PRKN: variants seen among roughly 807,000 people sequenced by gnomAD.
PRKN encodes the protein parkin RBR E3 ubiquitin protein ligase.
A neutral mutation model predicts 59.5 loss-of-function variants in PRKN; 56 were observed. That is an observed-to-expected ratio of 0.94 (90% CI 0.76 to 1.18). The LOEUF is 1.18. Among genes scored for constraint, PRKN ranks in the 50% most tolerant of loss-of-function variants. The pLI, the probability that PRKN is intolerant of heterozygous loss-of-function variation, is 0.00. For missense variants in PRKN, 657 were observed against 596.4 expected, an observed-to-expected ratio of 1.10 and a Z score of -1.06; for synonymous variants, 250 against 222.1, an observed-to-expected ratio of 1.13 and a Z score of -1.12.
intron 1 of PRKN, among the ~76,000 whole-genome samples, chr6:162,576,876 C>T (rs966080057): frequency 1.4e-4 from 21 of 149,342 alleles, no homozygotes; most frequent in African/African-American, 4.7e-4. Flanking sequence ...GAATTGAGAG[C>T]GAGGATTTGA....
At chr6:162,290,650 GATCT>G (rs1781391355) in intron 2 of PRKN, among the ~76,000 whole-genome samples, 1 of 152,084 alleles carries the variant, frequency 6.6e-6, no homozygotes, top group Admixed American at 6.6e-5. Context: ...AGCTAAAACA[GATCT>G]ATTTTTCAAA....
intron 4 of PRKN, among the ~76,000 whole-genome samples, chr6:162,192,048 G>C (rs555032624): frequency 1.4e-4 from 22 of 152,204 alleles, no homozygotes; most frequent in Non-Finnish European, 2.8e-4. Flanking sequence ...TATGAAAAAC[G>C]TTCTTTAGAG....
In PRKN at chr6:161,740,196, C is replaced by T. The variant is rs556374763; in HGVS notation, c.871+45576G>A. ...TTTTCAAAGGAAAAGATATACTTTCCTTTAAGTGCTTTTGAAATATTAAAA... is the reference window on the plus strand; with the variant it reads ...TTTTCAAAGGAAAAGATATACTTTCTTTTAAGTGCTTTTGAAATATTAAAA... On this transcript the variant is annotated intron_variant, in intron 7 of 11. Transcript: ENST00000366898. Among the ~76,000 whole-genome samples, 5 of 152,220 alleles carry T rather than the reference C, an allele frequency of 3.3e-5. 1 individual carries two copies. The South Asian group carries it at 8.3e-4, about 25-fold the overall frequency.
chr6:161,450,894 T>C (rs1307512838), intron 9 of PRKN, among the ~76,000 whole-genome samples: 1 of 152,146 alleles, frequency 6.6e-6, no homozygotes, highest in East Asian at 1.9e-4. Context: ...AAAATAAATA[T>C]CATACCATTA....
intron 1 of PRKN, among the ~76,000 whole-genome samples, chr6:162,690,615 A>G (rs1777738648): frequency 6.6e-6 from 1 of 152,240 alleles, no homozygotes; most frequent in East Asian, 1.9e-4. Context: ...CAATGAGTAC[A>G]GTTCCTGATA....
At chr6:162,283,561 G>A (rs191978535) in intron 2 of PRKN, among the ~76,000 whole-genome samples, 29 of 152,236 alleles carry the variant, frequency 1.9e-4, no homozygotes, top group African/African-American at 6.5e-4. Context: ...TTGCTCTGTC[G>A]CCCAGGCTGG....
chr6:161,476,616 G>T (rs1242115278), intron 9 of PRKN, among the ~76,000 whole-genome samples: 1 of 152,174 alleles, frequency 6.6e-6, no homozygotes, highest in Non-Finnish European at 1.5e-5. Flanking sequence ...CATTAAAAAT[G>T]GCTCCCAGGA....
At chr6:162,050,459 T>A (rs767124567) in intron 5 of PRKN, among the ~76,000 whole-genome samples, 2 of 104,698 alleles carry the variant, frequency 1.9e-5, no homozygotes, top group African/African-American at 8.1e-5. Context: ...CATTTTCCTA[T>A]ATTTCACCCC....
At chr6:162,256,773 A>T (rs1779654648) in intron 3 of PRKN, among the ~76,000 whole-genome samples, 1 of 152,190 alleles carries the variant, frequency 6.6e-6, no homozygotes, top group Admixed American at 6.5e-5. Flanking sequence ...CACACTGTCC[A>T]GCCAGGCCTC....
intron 1 of PRKN, among the ~76,000 whole-genome samples, chr6:162,603,802 G>A (rs1386778018): frequency 6.6e-6 from 1 of 152,126 alleles, no homozygotes; most frequent in Admixed American, 6.6e-5. Flanking sequence ...CCACAGATGG[G>A]AAGGGCTGTC....
chr6:162,640,158 T>C (rs1777906109), intron 1 of PRKN, among the ~76,000 whole-genome samples: 1 of 152,126 alleles, frequency 6.6e-6, no homozygotes, highest in Non-Finnish European at 1.5e-5. Context: ...GCCAGGGTTC[T>C]TGGGAGACTC....
chr6:162,619,710 TCACACACACACA>T (rs56144864), intron 1 of PRKN, among the ~76,000 whole-genome samples: 1 of 150,386 alleles, frequency 6.6e-6, no homozygotes, highest in Non-Finnish European at 1.5e-5. Flanking sequence ...CTTTTTCCAC[TCACACACACACA>T]CACACACACA....
At position 161,588,760 on chromosome 6, in the gene PRKN, A is replaced by C. The variant is rs906757585; in HGVS notation, c.872-19344T>G. Among the ~76,000 whole-genome samples, 1 of 152,220 alleles carries C rather than the reference A, an allele frequency of 6.6e-6. No homozygotes were observed. The highest frequency in any genetic ancestry group is 6.5e-5 in the Admixed American group (1 of 15,286). The stretch of plus-strand genomic sequence containing the variant: ...GAGGACACCATCATCTCTAGAAAAT[A>C]AACCCAAAGTGGCTCTTGAGAGAAG... On this transcript the variant is annotated intron_variant, in intron 7 of 11. Transcript: ENST00000366898. This position sits in a 1 kb window ranked among gnomAD's most constrained non-coding sequence, Gnocchi z 5.0.
At chr6:162,638,112 C>A (rs1777804297) in intron 1 of PRKN, among the ~76,000 whole-genome samples, 1 of 150,968 alleles carries the variant, frequency 6.6e-6, no homozygotes, top group Non-Finnish European at 1.5e-5. Context: ...TTTCAGCATG[C>A]AATTTGTTCT....
intron 7 of PRKN, among the ~76,000 whole-genome samples, chr6:161,627,363 C>T (rs1167293215): frequency 6.6e-6 from 1 of 152,124 alleles, no homozygotes; most frequent in Admixed American, 6.5e-5. Context: ...CCTACTTTAC[C>T]AGAAAGAGAA....
intron 7 of PRKN, among the ~76,000 whole-genome samples, chr6:161,659,936 C>CA (rs1371284776): frequency 2.4e-4 from 37 of 152,210 alleles, no homozygotes; most frequent in Admixed American, 2.2e-3. Flanking sequence ...TTCATACAGT[C>CA]AGAGTTCAGG....
At chr6:161,750,144 T>TAC (rs1554300414) in intron 7 of PRKN, among the ~76,000 whole-genome samples, 1,690 of 145,760 alleles carry the variant, frequency 0.012, 22 homozygotes, top group Middle Eastern at 0.053. Flanking sequence ...CACACACACA[T>TAC]ATATAAATTA....
intron 5 of PRKN, among the ~76,000 whole-genome samples, chr6:162,023,511 T>A (rs530392604): frequency 2.5e-4 from 38 of 152,142 alleles, no homozygotes; most frequent in Non-Finnish European, 4.6e-4. Context: ...CACGTGGTTC[T>A]GCTGGTCGCC....
At chr6:161,634,125 C>G (rs1783424106) in intron 7 of PRKN, among the ~76,000 whole-genome samples, 1 of 151,820 alleles carries the variant, frequency 6.6e-6, no homozygotes, top group South Asian at 2.1e-4. Flanking sequence ...GGGTTCTGTC[C>G]CATAGGTGAG....
Sources: allele counts gnomAD v4.1 joint callset (sites outside exome capture counted in the v4.1 genomes callset), GRCh38; gene constraint gnomAD v4.1.1; non-coding constraint Gnocchi (gnomAD v3.1); transcripts MANE v1.5; gene names NCBI Gene and HGNC (gene_info 2026-07-23, HGNC 2026-07-21).